The following MOXD1 variants were observed in gnomAD, a reference collection of about 807,000 sequenced individuals.
The protein encoded by MOXD1 is DBH-like monooxygenase protein 1.
A neutral mutation model predicts 66.6 loss-of-function variants in MOXD1; 62 were observed. The observed-to-expected ratio is 0.93, with a 90% CI of 0.76 to 1.15. The LOEUF is 1.15. MOXD1 is among the 50% of genes most tolerant of loss of function. MOXD1 has a pLI of 0.00. For synonymous variants in MOXD1, 303 were observed against 281.9 expected (o/e 1.07, Z -0.75); for missense variants, 847 against 754.6 (o/e 1.12, Z -1.44).
At position 132,320,815 on chromosome 6, in the gene MOXD1, A is replaced by G. The variant is rs1218875769; in HGVS notation, c.1306-127T>C. ...GCGCCAAGTAATTTCATTCAGCAGA[A>G]GACCCCTGATCTGTTTAATTCTAGG... On this transcript the variant is annotated intron_variant, in intron 8 of 11. Coordinates refer to ENST00000367963, the MANE Select transcript of MOXD1 (RefSeq NM_015529.4). 6.8e-6 allele frequency: 5 copies of G among 732,212 alleles called. No individual in the cohort carries two copies. In the African/African-American group the frequency reaches 7.2e-5, roughly 11 times the overall value. 45.4% of individuals were successfully genotyped at this position (732,212 alleles called of 1,614,324 possible).
chr6:132,306,077 A>G (rs973834550), intron 10 of MOXD1, among the ~76,000 whole-genome samples: 5 of 152,152 alleles, frequency 3.3e-5, no homozygotes, highest in Non-Finnish European at 7.4e-5. Context: ...GGGCTAAAGA[A>G]GCATGTTCTA....
intron 4 of MOXD1, among the ~76,000 whole-genome samples, chr6:132,340,962 C>A (rs1231257377): frequency 6.6e-6 from 1 of 152,074 alleles, no homozygotes; most frequent in African/African-American, 2.4e-5. Context: ...ATCTTATTTC[C>A]CATTTTTCAT....
At chr6:132,355,870 TA>T (rs1451275164) in intron 4 of MOXD1, among the ~76,000 whole-genome samples, 4 of 152,100 alleles carry the variant, frequency 2.6e-5, no homozygotes, top group African/African-American at 9.7e-5. Context: ...TAAAAATGAA[TA>T]AAAAATTCTG....
At chr6:132,319,826 G>A (rs971503443) in intron 9 of MOXD1, among the ~76,000 whole-genome samples, 3 of 151,654 alleles carry the variant, frequency 2.0e-5, no homozygotes, top group Non-Finnish European at 4.4e-5. Flanking sequence ...GTTATTCCAG[G>A]CTTGCTAAAT....
chr6:132,383,378 A>C (rs911531149), intron 1 of MOXD1, among the ~76,000 whole-genome samples: 2 of 152,198 alleles, frequency 1.3e-5, no homozygotes, highest in African/African-American at 2.4e-5. Flanking sequence ...AATAGAAGGC[A>C]CTTACCTTTT....
intron 1 of MOXD1, among the ~76,000 whole-genome samples, chr6:132,384,239 TCTCTTC>T: frequency 1.4e-5 from 1 of 73,242 alleles, no homozygotes; most frequent in Non-Finnish European, 2.6e-5. Context: ...CCTCCCTCCC[TCTCTTC>T]CTTCCTTCCT....
At chr6:132,345,528 TCTGTCTATAATATTTC>T (rs1300890565) in intron 4 of MOXD1, among the ~76,000 whole-genome samples, 2 of 152,248 alleles carry the variant, frequency 1.3e-5, no homozygotes, top group Non-Finnish European at 2.9e-5. Flanking sequence ...CCATCCATTA[TCTGTCTATAATATTTC>T]CTTGAAAACT....
intron 4 of MOXD1, among the ~76,000 whole-genome samples, chr6:132,335,155 C>A (rs1775410564): frequency 6.6e-6 from 1 of 151,206 alleles, no homozygotes; most frequent in Non-Finnish European, 1.5e-5. Context: ...ACCCTGAAAA[C>A]AGATTCAGTT....
chr6:132,323,466 T>C (rs890683225), intron 7 of MOXD1, among the ~76,000 whole-genome samples: 29 of 152,154 alleles, frequency 1.9e-4, no homozygotes, highest in African/African-American at 7.0e-4. Flanking sequence ...GAAGTGAAAA[T>C]TGTCATTACT....
At chr6:132,362,487 G>C (rs2114643796) in intron 4 of MOXD1, among the ~76,000 whole-genome samples, 2 of 152,246 alleles carry the variant, frequency 1.3e-5, no homozygotes, top group South Asian at 4.1e-4. Flanking sequence ...TGTCAGTCTG[G>C]TTCTTAGGTC....
intron 10 of MOXD1, among the ~76,000 whole-genome samples, chr6:132,304,795 A>G (rs760910871): frequency 6.6e-6 from 1 of 152,246 alleles, no homozygotes; most frequent in Non-Finnish European, 1.5e-5. Flanking sequence ...AGCCACAAGA[A>G]AATATCACTA....
At chr6:132,356,669 G>C (rs1775915785) in intron 4 of MOXD1, among the ~76,000 whole-genome samples, 1 of 152,046 alleles carries the variant, frequency 6.6e-6, no homozygotes, top group African/African-American at 2.4e-5. Context: ...CATAATAGGA[G>C]ATTAAATTAT....
At chr6:132,356,868 C>G (rs563563194) in intron 4 of MOXD1, among the ~76,000 whole-genome samples, 1 of 152,016 alleles carries the variant, frequency 6.6e-6, no homozygotes, top group East Asian at 1.9e-4. Context: ...TAGAAAAATA[C>G]AAATAAATCT....
At chr6:132,365,546 G>C (rs1190003866) in intron 4 of MOXD1, among the ~76,000 whole-genome samples, 1 of 152,154 alleles carries the variant, frequency 6.6e-6, no homozygotes, top group Non-Finnish European at 1.5e-5. Flanking sequence ...TACAGACAAG[G>C]AATTTGAGGA....
intron 4 of MOXD1, among the ~76,000 whole-genome samples, chr6:132,357,466 A>T (rs1775930745): frequency 6.6e-6 from 1 of 152,152 alleles, no homozygotes; most frequent in Non-Finnish European, 1.5e-5. Flanking sequence ...TTCTTAAAGG[A>T]ACTAAACTTT....
In MOXD1 at chr6:132,325,685, G is replaced by T. The variant is rs145452458; in HGVS notation, c.947-1588C>A. Reference sequence around the variant, plus strand: ...AGCACAGAACAGATGAAGACATAAAGTTACCTAATCTGTGCTTCAGTTTTC... The same window carrying T: ...AGCACAGAACAGATGAAGACATAAATTTACCTAATCTGTGCTTCAGTTTTC... On this transcript the variant is annotated intron_variant, in intron 6 of 11. Coordinates refer to ENST00000367963, the MANE Select transcript of MOXD1 (RefSeq NM_015529.4). Among the ~76,000 whole-genome samples the T allele has an allele frequency of 8.5e-5, 13 of 152,284 alleles. No individual in the cohort carries two copies. In the East Asian group the frequency reaches 2.5e-3, roughly 29 times the overall value.
At chr6:132,383,315 G>T (rs1224110864) in intron 1 of MOXD1, among the ~76,000 whole-genome samples, 1 of 152,162 alleles carries the variant, frequency 6.6e-6, no homozygotes, top group Non-Finnish European at 1.5e-5. Flanking sequence ...AATATAAGCT[G>T]ATCTTAATAA....
In MOXD1 at chr6:132,361,808, AT is replaced by A. The variant is rs151018972; in HGVS notation, c.663+10799del. On this transcript the variant is annotated intron_variant, in intron 4 of 11. Transcript: ENST00000367963. ...ATATGTTAGTGTAGTATTTTTCTTC[AT>A]AAAAGAGATATACTATTAAGCTCTT... Among the ~76,000 whole-genome samples the A allele has an allele frequency of 2.8e-4, 43 of 152,324 alleles. 2 individuals are homozygous for A. In the East Asian group the frequency reaches 7.9e-3, roughly 28 times the overall value.
rs1774403462 is a variant in MOXD1 at position 132,296,553 on chromosome 6, A to T, written c.*600T>A. 6.6e-6 allele frequency: 1 copy of T among 152,324 alleles called. No individual in the cohort carries two copies. Among genetic ancestry groups the T allele is most frequent in the Non-Finnish European group, 1.5e-5 (1 of 68,130 alleles). 9.4% of individuals were successfully genotyped at this position (152,324 alleles called of 1,614,324 possible). ...AGTACTTTAAGATGGGTGTGGGGTCATTTGGGGTACCAACAGACTCAGATA... is the reference window on the plus strand; with the variant it reads ...AGTACTTTAAGATGGGTGTGGGGTCTTTTGGGGTACCAACAGACTCAGATA... On this transcript the variant is annotated 3_prime_UTR_variant, in exon 12 of 12. Transcript: ENST00000367963.
Sources: gnomAD v4.1 joint callset for allele counts (sites outside exome capture counted in the v4.1 genomes callset) on GRCh38, gnomAD v4.1.1 for gene constraint, MANE v1.5 for transcripts, NCBI Gene and HGNC (gene_info 2026-07-23, HGNC 2026-07-21) for gene names.